DMBT1: variants seen among roughly 807,000 people sequenced by gnomAD.
DMBT1 encodes deleted in malignant brain tumors 1.
A neutral mutation model predicts 252.9 loss-of-function variants in DMBT1; 198 were observed. The observed-to-expected ratio is 0.78, with a 90% CI of 0.70 to 0.88. The LOEUF is 0.88. DMBT1 is among the 40% of genes least tolerant of loss of function. The pLI is 0.00. For missense variants in DMBT1, 2,432 were observed against 2,404.7 expected (o/e 1.01, Z -0.24); for synonymous variants, 990 against 942.7 (o/e 1.05, Z -0.92).
At position 122,570,872 on chromosome 10, in the gene DMBT1, C is replaced by G; in HGVS notation, c.140-18C>G. Reference sequence around the variant, plus strand: ...CAAGGGCTACCATCAATGAGCTCTTCCTTTCTCCACCCTGCAGGTTCTCCA... The same window carrying G: ...CAAGGGCTACCATCAATGAGCTCTTGCTTTCTCCACCCTGCAGGTTCTCCA... On this transcript the variant is annotated intron_variant, in intron 3 of 55. Transcript: ENST00000338354. 1 of 1,612,660 alleles carries G rather than the reference C, an allele frequency of 6.2e-7. No homozygotes were observed. Among genetic ancestry groups the G allele is most frequent in the South Asian group, 1.1e-5 (1 of 91,060 alleles).
Position 122,573,721 on chromosome 10 carries a change from T to C in DMBT1, c.242T>C (p.Leu81Pro), listed in dbSNP as rs2097686927. 1 of 1,613,786 alleles carries C rather than the reference T, an allele frequency of 6.2e-7. No homozygotes were observed. The highest frequency in any genetic ancestry group is 2.2e-5 in the East Asian group (1 of 44,876). The change falls in exon 6 of 56, where the codon CTG (leucine) becomes CCG (proline). Residue 81 changes from leucine (L) to proline (P), a missense_variant. By Grantham distance (98) the Leu-to-Pro change is moderately conservative. This residue lies in a region of DMBT1 where 1,264 missense variants were observed against 1,082.2 expected (regional missense o/e 1.17). Coordinates refer to ENST00000338354, the MANE Select transcript of DMBT1 (RefSeq NM_001377530.1). Reference protein sequence around the residue: ...TLESTVAEGSLIPSESTLEST... With the variant: ...TLESTVAEGSPIPSESTLEST... ...TCCTTTCTCCACCCTGCAGGTTCTC[T>C]GATTCCCTCAGAGTCAACCCTGGAG... is the stretch of plus-strand genomic sequence containing the variant.
intron 45 of DMBT1, 53 bp downstream of exon 45, chr10:122,625,356 C>G: frequency 6.4e-7 from 1 of 1,551,766 alleles, no homozygotes; most frequent in Non-Finnish European, 8.9e-7. Context: ...ATTCCACCCT[C>G]TCTTGTTTCC....
intron 44 of DMBT1, among the ~76,000 whole-genome samples, chr10:122,625,005 C>A (rs569625997): frequency 3.3e-5 from 5 of 152,152 alleles, no homozygotes; most frequent in Non-Finnish European, 5.9e-5. Context: ...ATGTTGTTGG[C>A]GTCTTTGAAT....
At chr10:122,641,243 G>A (rs560958670) in intron 55 of DMBT1, among the ~76,000 whole-genome samples, 80 of 152,242 alleles carry the variant, frequency 5.3e-4, no homozygotes, top group African/African-American at 1.8e-3. Context: ...GGGTGAAGTG[G>A]GGTTTGACTC....
chr10:122,622,053 G>A (rs1294471099), intron 44 of DMBT1, among the ~76,000 whole-genome samples: 1 of 152,184 alleles, frequency 6.6e-6, no homozygotes. Context: ...CCTGAGACTT[G>A]CTGACTTGGT....
Position 122,589,056 on chromosome 10 carries a change from C to T in DMBT1, c.1896C>T (p.Asp632=), listed in dbSNP as rs1311582814. 2.5e-6 allele frequency: 4 copies of T among 1,588,746 alleles called. No individual in the cohort carries two copies. Among genetic ancestry groups the T allele is most frequent in the Admixed American group, 1.7e-5 (1 of 59,542 alleles). The change falls in exon 17 of 56, where the codon GAC becomes GAT. Residue 632 remains aspartate (D), a synonymous_variant. Transcript: ENST00000338354. ...GCACCGTGTGTGATGACAGCTGGGA[C>T]ACCAATGATGCCAATGTGGTCTGCA... ...SWGTVCDDSW[D]TNDANVVCRQ...
At chr10:122,621,479 G>A (rs1463799198) in intron 44 of DMBT1, 99 bp downstream of exon 44, 1 of 1,550,222 alleles carries the variant, frequency 6.5e-7, no homozygotes, top group African/African-American at 1.4e-5. Flanking sequence ...AGCTTCTCCT[G>A]TGTTTCCTGT....
chr10:122,577,717 G>T (rs2097725279), intron 7 of DMBT1, 94 bp from the exon 8 acceptor site: 3 of 1,450,386 alleles, frequency 2.1e-6, no homozygotes, highest in Non-Finnish European at 1.9e-6. Flanking sequence ...ATGGGCATCA[G>T]CTCAGGGTGT....
intron 46 of DMBT1, among the ~76,000 whole-genome samples, chr10:122,628,364 G>C (rs754412638): frequency 6.6e-6 from 1 of 152,132 alleles, no homozygotes; most frequent in African/African-American, 2.4e-5. Flanking sequence ...GGCCGGGCGC[G>C]GTGGCTCATA....
At chr10:122,639,943 T>A (rs1003473238) in intron 54 of DMBT1, 97 bp from the exon 55 acceptor site, 8 of 1,417,558 alleles carry the variant, frequency 5.6e-6, no homozygotes, top group Non-Finnish European at 7.6e-6. Context: ...GGAAGTCTTG[T>A]TGAGTCACGT....
At chr10:122,620,397 T>A (rs1304521728) in intron 43 of DMBT1, 106 bp downstream of exon 43, 8 of 1,393,704 alleles carry the variant, frequency 5.7e-6, no homozygotes. Flanking sequence ...CTGTTTTTCA[T>A]GTTTCCGCGA....
intron 16 of DMBT1, among the ~76,000 whole-genome samples, chr10:122,587,797 A>G (rs1256555736): frequency 6.7e-6 from 1 of 148,568 alleles, no homozygotes; most frequent in African/African-American, 2.4e-5. Flanking sequence ...TCCTTCTAAC[A>G]TTTTAGCTGT....
intron 23 of DMBT1, 86 bp from the exon 24 acceptor site, chr10:122,596,939 C>T: frequency 1.4e-5 from 5 of 366,640 alleles, no homozygotes; most frequent in Non-Finnish European, 2.3e-5. Flanking sequence ...GGACTGAAGG[C>T]ATGATCTGTT....
intron 44 of DMBT1, among the ~76,000 whole-genome samples, chr10:122,622,629 C>G (rs1279104859): frequency 6.6e-6 from 1 of 152,222 alleles, no homozygotes; most frequent in Non-Finnish European, 1.5e-5. Context: ...CTCTGGCTGA[C>G]AAGGCCTGGG....
chr10:122,637,031 G>C, intron 53 of DMBT1, 97 bp from the exon 54 acceptor site: 1 of 1,192,984 alleles, frequency 8.4e-7, no homozygotes, highest in Non-Finnish European at 1.2e-6. Context: ...CAGCCACCCT[G>C]GTCTGTGCAC....
intron 55 of DMBT1, among the ~76,000 whole-genome samples, chr10:122,642,167 G>A (rs1844662152): frequency 7.4e-6 from 1 of 135,282 alleles, no homozygotes; most frequent in African/African-American, 3.2e-5. Context: ...CACTAAGGGA[G>A]CTACTGTGAA....
At chr10:122,572,462 T>C in intron 5 of DMBT1, 101 bp downstream of exon 5, 2 of 1,520,438 alleles carry the variant, frequency 1.3e-6, no homozygotes, top group South Asian at 2.2e-5. Context: ...GAAAGTAGTG[T>C]GCTGGCGTCA....
intron 6 of DMBT1, among the ~76,000 whole-genome samples, chr10:122,575,983 G>T (rs372957335): frequency 3.3e-5 from 5 of 152,264 alleles, no homozygotes; most frequent in African/African-American, 1.2e-4. Context: ...TGACAAATGT[G>T]CTCCAAACCA....
intron 45 of DMBT1, 23 bp downstream of exon 45, chr10:122,625,326 CA>C: frequency 6.2e-7 from 1 of 1,605,000 alleles, no homozygotes; most frequent in Non-Finnish European, 8.5e-7. Flanking sequence ...CACCCCAGTC[CA>C]GCAATATTTC....
Sources: gnomAD v4.1 joint callset for allele counts (sites outside exome capture counted in the v4.1 genomes callset) on GRCh38, gnomAD v4.1.1 for gene constraint, gnomAD v4.1.1 regional missense constraint, MANE v1.5 for transcripts, NCBI Gene and HGNC (gene_info 2026-07-23, HGNC 2026-07-21) for gene names.